The following FHAD1 variants were observed in gnomAD, a reference collection of about 807,000 sequenced individuals.
The protein encoded by FHAD1 is forkhead associated phosphopeptide binding domain 1, also known as forkhead-associated domain-containing protein 1.
A neutral mutation model predicts 191.3 loss-of-function variants in FHAD1; 146 were observed. The ratio of observed to expected loss-of-function variants is 0.76; its 90% CI spans 0.67 to 0.88. FHAD1 has a LOEUF of 0.88. Ranked by LOEUF, FHAD1 falls within the 40% of genes least tolerant of loss-of-function variation. The pLI is 0.00. For synonymous variants in FHAD1, 616 were observed against 672.3 expected (o/e 0.92, Z 1.29); for missense variants, 1,635 against 1,785.8 (o/e 0.92, Z 1.52).
Position 15,329,720 on chromosome 1 carries a change from C to A in FHAD1, c.1906+179C>A. 1.8e-6 allele frequency: 1 copy of A among 554,102 alleles called. No individual in the cohort carries two copies. Among genetic ancestry groups the A allele is most frequent in the Non-Finnish European group, 3.2e-6 (1 of 311,134 alleles). The allele number at this position is 554,102 out of a possible 1,614,324, so 34.3% of individuals were successfully genotyped here. ...ATTTTCCATTAAAAAAAAAAACACACACATACAAGTGAGACACGATAACTG... is the reference window on the plus strand; with the variant it reads ...ATTTTCCATTAAAAAAAAAAACACAAACATACAAGTGAGACACGATAACTG... On this transcript the variant is annotated intron_variant, in intron 14 of 33. Coordinates refer to ENST00000688493, the MANE Select transcript of FHAD1 (RefSeq NM_001391957.1). The surrounding 1 kb of genome is among the most constrained non-coding windows in gnomAD (Gnocchi z 5.0).
chr1:15,368,929 A>C (rs1199526496), intron 25 of FHAD1, among the ~76,000 whole-genome samples: 2 of 151,896 alleles, frequency 1.3e-5, no homozygotes, highest in African/African-American at 4.9e-5. Context: ...AAGAACAAGA[A>C]CAAAACTCCA....
rs983341147 is a variant in FHAD1 at position 15,367,313 on chromosome 1, T to G, written c.3155-150T>G. ...GAGTTTGAGACCAGCCTGGCCAACATGGTGAAACCCTGTCTCTACTAAAAA... is the reference window on the plus strand; with the variant it reads ...GAGTTTGAGACCAGCCTGGCCAACAGGGTGAAACCCTGTCTCTACTAAAAA... On this transcript the variant is annotated intron_variant, in intron 24 of 33. Transcript: ENST00000688493. 1.1e-5 allele frequency: 9 copies of G among 845,446 alleles called. No individual in the cohort carries two copies. In the African/African-American group the frequency reaches 1.4e-4, roughly 13 times the overall value. The allele number at this position is 845,446 out of a possible 1,614,324, so 52.4% of individuals were successfully genotyped here.
At chr1:15,241,639 CTT>C (rs1188818587) in intron 1 of FHAD1, among the ~76,000 whole-genome samples, 1 of 149,008 alleles carries the variant, frequency 6.7e-6, no homozygotes, top group Non-Finnish European at 1.5e-5. Context: ...GAGCAAAAGT[CTT>C]GTCTCAAAAA....
chr1:15,314,757 GGGGGTGT>G (rs1673677203), intron 8 of FHAD1, among the ~76,000 whole-genome samples: 1 of 117,102 alleles, frequency 8.5e-6, no homozygotes, highest in Non-Finnish European at 1.9e-5. Context: ...TGTGGTGTGT[GGGGGTGT>G]ATGGGTGTGT....
downstream of FHAD1, among the ~76,000 whole-genome samples, chr1:15,399,558 C>T (rs575819456): frequency 5.9e-5 from 9 of 151,926 alleles, no homozygotes; most frequent in South Asian, 1.2e-3. Context: ...AGAGCAACAC[C>T]TTGTCTCAAA....
intron 11 of FHAD1, chr1:15,324,770 G>A (rs767778244): frequency 8.7e-6 from 5 of 577,654 alleles, no homozygotes; most frequent in South Asian, 8.3e-5. Context: ...CCTCCCACTC[G>A]AATAGTTTAC....
rs951654167 is a variant in FHAD1, at chr1:15,316,609, T to C, written c.1260+142T>C. 1 of 734,782 alleles carries C rather than the reference T, an allele frequency of 1.4e-6. No individual in the cohort carries two copies. The highest frequency in any genetic ancestry group is 1.8e-5 in the African/African-American group (1 of 55,766). 45.5% of individuals were successfully genotyped at this position (734,782 alleles called of 1,614,324 possible). A position where few individuals can be genotyped will look rare whatever the true frequency, so the allele number is the denominator to read the frequency against. ...TTGTTTAACATAGTCTCATTGCTCT[T>C]TGATCTGCTGCTTCTGCAAGAAAGA... On this transcript the variant is annotated intron_variant, in intron 9 of 33. Transcript: ENST00000688493. The surrounding 1 kb of genome is among the most constrained non-coding windows in gnomAD (Gnocchi z 4.3).
rs1675140765 is a variant in FHAD1 at position 15,318,313 on chromosome 1, T to C, written c.1365+385T>C. Among the ~76,000 whole-genome samples, 1 of 152,328 alleles carries C rather than the reference T, an allele frequency of 6.6e-6. No homozygotes were observed. Among genetic ancestry groups the C allele is most frequent in the South Asian group, 2.1e-4 (1 of 4,828 alleles). ...GCATACTCCAGACCTGCGCTATCCA[T>C]AACAGTAGCCACTAACCGCGCATGG... On this transcript the variant is annotated intron_variant, in intron 10 of 33. Transcript: ENST00000688493. This position sits in a 1 kb window ranked among gnomAD's most constrained non-coding sequence, Gnocchi z 4.1.
At chr1:15,258,141 C>T (rs1231152488) in intron 2 of FHAD1, among the ~76,000 whole-genome samples, 3 of 152,130 alleles carry the variant, frequency 2.0e-5, no homozygotes, top group Non-Finnish European at 4.4e-5. Context: ...TGCACCTGGC[C>T]TCACTTTGTT....
chr1:15,324,395 C>T, intron 10 of FHAD1, 57 bp from the exon 11 acceptor site: 1 of 1,334,924 alleles, frequency 7.5e-7, no homozygotes, highest in East Asian at 2.5e-5. Context: ...GAGGAATCTC[C>T]CCAGAGTGCA....
chr1:15,275,331 G>C (rs1358752884), intron 3 of FHAD1, among the ~76,000 whole-genome samples: 1 of 152,212 alleles, frequency 6.6e-6, no homozygotes, highest in Non-Finnish European at 1.5e-5. Flanking sequence ...ACATGCAGTT[G>C]CCTCCTGCTT....
intron 2 of FHAD1, among the ~76,000 whole-genome samples, chr1:15,257,173 G>A (rs974458808): frequency 6.6e-6 from 1 of 152,180 alleles, no homozygotes; most frequent in Non-Finnish European, 1.5e-5. Flanking sequence ...CCATGTCAAA[G>A]GACATGTATG....
rs1700863337 is a variant in FHAD1, at chr1:15,381,388, A to G, written c.3959A>G (p.Lys1320Arg). 4.4e-5 allele frequency: 69 copies of G among 1,551,792 alleles called. 1 individual carries two copies. The highest frequency in any genetic ancestry group is 5.7e-5 in the Non-Finnish European group (65 of 1,147,002). Reference protein sequence around the residue: ...DLVFDKITQLKNQLGRKEELL... With the variant: ...DLVFDKITQLRNQLGRKEELL... Reference sequence around the variant, plus strand: ...GTGTTTGATAAGATCACCCAACTCAAGAACCAGCTGGGGAGGAAAGAGGAG... The same window carrying G: ...GTGTTTGATAAGATCACCCAACTCAGGAACCAGCTGGGGAGGAAAGAGGAG... Residue 1320 changes from lysine to arginine, a missense_variant, in exon 30 of 34, where the codon AAG (lysine) becomes AGG (arginine). Physicochemically the swap from Lys to Arg is conservative, Grantham distance 26 (BLOSUM62 2). Coordinates refer to ENST00000688493, the MANE Select transcript of FHAD1 (RefSeq NM_001391957.1). The surrounding 1 kb of genome is among the most constrained non-coding windows in gnomAD (Gnocchi z 4.6).
intron 20 of FHAD1, 129 bp from the exon 21 acceptor site, chr1:15,357,981 T>A (rs534801528): frequency 1.5e-6 from 1 of 660,018 alleles, no homozygotes; most frequent in Non-Finnish European, 2.5e-6. Flanking sequence ...ATGGACTTTG[T>A]GCTTTAAAAG....
intron 26 of FHAD1, among the ~76,000 whole-genome samples, chr1:15,373,655 C>A (rs550294103): frequency 6.6e-6 from 1 of 152,228 alleles, no homozygotes; most frequent in South Asian, 2.1e-4. Context: ...GAGTTTGAGA[C>A]CAGCGTGGGC....
At chr1:15,348,992 T>G (rs746204913) in intron 18 of FHAD1, 50 bp from the exon 19 acceptor site, 122 of 1,098,880 alleles carry the variant, frequency 1.1e-4, no homozygotes, top group East Asian at 1.0e-4. Flanking sequence ...TACTAGCAAT[T>G]TCCCCCCTAA....
At chr1:15,346,667 T>G (rs1689028292) in intron 18 of FHAD1, among the ~76,000 whole-genome samples, 1 of 152,246 alleles carries the variant, frequency 6.6e-6, no homozygotes, top group Admixed American at 6.5e-5. Context: ...TGTGGATTCA[T>G]GTTTAGCTTG....
At chr1:15,301,104 A>T in intron 5 of FHAD1, 101 bp from the exon 6 acceptor site, 1 of 983,958 alleles carries the variant, frequency 1.0e-6, no homozygotes, top group Non-Finnish European at 1.5e-6. Flanking sequence ...TGCTAGGATT[A>T]CAGGCGTGAG....
chr1:15,284,416 T>C (rs1002958237), intron 3 of FHAD1, among the ~76,000 whole-genome samples: 1 of 149,412 alleles, frequency 6.7e-6, no homozygotes, highest in African/African-American at 2.5e-5. Flanking sequence ...GAGGCGGAGC[T>C]TGCAGTGAGC....
Sources: gnomAD v4.1 joint callset for allele counts (sites outside exome capture counted in the v4.1 genomes callset) on GRCh38, gnomAD v4.1.1 for gene constraint, Gnocchi (gnomAD v3.1) non-coding constraint, MANE v1.5 for transcripts, NCBI Gene and HGNC (gene_info 2026-07-23, HGNC 2026-07-21) for gene names.